Variants in EFR3A observed in about 807,000 individuals in gnomAD.
The protein encoded by EFR3A is EFR3 homolog A.
A neutral mutation model predicts 104.4 loss-of-function variants in EFR3A; 76 were observed. The observed-to-expected ratio is 0.73, with a 90% CI of 0.60 to 0.88. The LOEUF (loss-of-function observed/expected upper bound fraction) is 0.88. Among genes scored for constraint, EFR3A ranks in the 40% least tolerant of loss-of-function variants. The probability of loss-of-function intolerance (pLI) is 0.00; values close to 1 mark genes in which losing one functional copy is unlikely to be tolerated. For synonymous variants in EFR3A, 330 were observed against 330.0 expected (o/e 1.00, Z 0.00); for missense variants, 985 against 1,012.5 (o/e 0.97, Z 0.37).
chr8:131,999,265 C>G (rs969968407), intron 19 of EFR3A, among the ~76,000 whole-genome samples: 6 of 152,150 alleles, frequency 3.9e-5, no homozygotes, highest in Non-Finnish European at 7.4e-5. Context: ...TTATATCCAT[C>G]TACTCCTGCC....
At chr8:131,972,563 G>T (rs1369064611) in intron 10 of EFR3A, among the ~76,000 whole-genome samples, 2 of 151,398 alleles carry the variant, frequency 1.3e-5, no homozygotes, top group African/African-American at 4.9e-5. Flanking sequence ...TAATCTGACT[G>T]TATAAATACA....
intron 8 of EFR3A, among the ~76,000 whole-genome samples, chr8:131,966,296 G>A (rs569834258): frequency 5.3e-5 from 8 of 152,260 alleles, no homozygotes. Context: ...TATTTATACT[G>A]TGAAGAGCAT....
chr8:131,996,432 A>C lies in EFR3A; in HGVS notation c.2092A>C (p.Ser698Arg). 7.5e-6 allele frequency: 12 copies of C among 1,592,144 alleles called. No individual in the cohort carries two copies. Among genetic ancestry groups the C allele is most frequent in the Non-Finnish European group, 1.0e-5 (12 of 1,171,074 alleles). Residue 698 changes from serine to arginine, a missense_variant, in exon 19 of 23, where the codon AGC becomes CGC. Coordinates refer to ENST00000254624, the MANE Select transcript of EFR3A (RefSeq NM_015137.6). ...TGAAGATCGACTTTCTAGAAGAAAA[A>C]GCATTGTGGACACCGTATCCATTCA... ...TDEDRLSRRK[S>R]IVDTVSIQVD... is the part of the protein sequence containing the mutation.
intron 8 of EFR3A, among the ~76,000 whole-genome samples, chr8:131,960,276 A>AT (rs564955877): frequency 7.3e-5 from 11 of 150,796 alleles, no homozygotes; most frequent in South Asian, 6.3e-4. Context: ...TATAGTATAG[A>AT]TTTTTTTTTT....
rs147013731 is a variant in EFR3A at position 131,953,408 on chromosome 8, C to A, written c.489-410C>A. On this transcript the variant is annotated intron_variant, in intron 5 of 22. Coordinates refer to ENST00000254624, the MANE Select transcript of EFR3A (RefSeq NM_015137.6). ...GAGTTGAAGGGCTGTTAGGGAGGAACAGTGAGAGAAGTCTGAAGAAGCATG... is the reference window on the plus strand; with the variant it reads ...GAGTTGAAGGGCTGTTAGGGAGGAAAAGTGAGAGAAGTCTGAAGAAGCATG... Among the ~76,000 whole-genome samples, 58 of 152,092 alleles carry A rather than the reference C, an allele frequency of 3.8e-4. 1 individual carries two copies. In the East Asian group the frequency reaches 0.011, roughly 29 times the overall value.
At chr8:131,954,615 TTAA>T (rs1818883603) in intron 6 of EFR3A, among the ~76,000 whole-genome samples, 3 of 150,524 alleles carry the variant, frequency 2.0e-5, no homozygotes, top group African/African-American at 7.3e-5. Flanking sequence ...AGATAATAAG[TTAA>T]TAATAAATAA....
intron 8 of EFR3A, among the ~76,000 whole-genome samples, chr8:131,963,775 G>A (rs1819538457): frequency 6.6e-6 from 1 of 152,088 alleles, no homozygotes; most frequent in Non-Finnish European, 1.5e-5. Context: ...CAAAAAAAGA[G>A]AATTTTAGAC....
chr8:131,904,235 G>C lies in EFR3A; in HGVS notation c.-78G>C, dbSNP rs1342299198. ...GTTCCGGCCTCCGCGGCCCAGCAAC[G>C]GCCGTCATGGTGCCGTCGGCGCTCC... On this transcript the variant is annotated 5_prime_UTR_variant, in exon 1 of 23. Coordinates refer to ENST00000254624, the MANE Select transcript of EFR3A (RefSeq NM_015137.6). 6.3e-6 allele frequency: 8 copies of C among 1,268,594 alleles called. No individual in the cohort carries two copies. The highest frequency in any genetic ancestry group is 2.6e-5 in the South Asian group (1 of 37,804). The allele number at this position is 1,268,594 out of a possible 1,614,324, so 78.6% of individuals were successfully genotyped here.
rs1300300974 is a variant in EFR3A at position 131,987,622 on chromosome 8, C to T, written c.1985C>T (p.Thr662Ile). 1 of 1,597,754 alleles carries T rather than the reference C, an allele frequency of 6.3e-7. No homozygotes were observed. The highest frequency in any genetic ancestry group is 8.5e-7 in the Non-Finnish European group (1 of 1,171,096). Residue 662 changes from threonine (T) to isoleucine (I), a missense_variant, in exon 18 of 23, where the codon ACC becomes ATC. Coordinates refer to ENST00000254624, the MANE Select transcript of EFR3A (RefSeq NM_015137.6). ...EKHEKDLYFL[T>I]NKIAESLGGS... ...CATGAAAAAGATTTGTACTTTCTGA[C>T]CAACAAGATTGCAGAGTCGCTAGGT... is the stretch of plus-strand genomic sequence containing the variant.
At position 132,011,450 on chromosome 8, in the gene EFR3A, ATCT is replaced by A. The variant is rs1169318401; in HGVS notation, c.*561_*563del. The A allele has an allele frequency of 9.2e-6, 9 of 979,018 alleles. No homozygotes were observed. In the East Asian group the frequency reaches 9.1e-4, roughly 99 times the overall value. The allele number at this position is 979,018 out of a possible 1,614,324, so 60.6% of individuals were successfully genotyped here. On this transcript the variant is annotated 3_prime_UTR_variant, in exon 23 of 23. Coordinates refer to ENST00000254624, the MANE Select transcript of EFR3A (RefSeq NM_015137.6). Reference sequence around the variant, plus strand: ...TAATAATATGTGATAGGCATTCCTCATCTTCTTCACAATAATAGGACATCTGTT... The same window carrying A: ...TAATAATATGTGATAGGCATTCCTCATCTTCACAATAATAGGACATCTGTT...
intron 1 of EFR3A, among the ~76,000 whole-genome samples, chr8:131,939,415 C>G (rs1818059803): frequency 6.6e-6 from 1 of 152,134 alleles, no homozygotes; most frequent in African/African-American, 2.4e-5. Flanking sequence ...AAAGTGGGAA[C>G]TGGACATTGT....
chr8:131,920,488 AG>A (rs1586534800), intron 1 of EFR3A, among the ~76,000 whole-genome samples: 1 of 152,256 alleles, frequency 6.6e-6, no homozygotes, highest in East Asian at 1.9e-4. Flanking sequence ...AACCTATGAT[AG>A]GAAAAGAAGA....
At chr8:132,004,656 A>G (rs1821948891) in intron 22 of EFR3A, among the ~76,000 whole-genome samples, 1 of 152,222 alleles carries the variant, frequency 6.6e-6, no homozygotes, top group African/African-American at 2.4e-5. Context: ...CAAACATTTA[A>G]TAGTAAATGT....
rs919615574 is a variant in EFR3A at position 131,944,544 on chromosome 8, GGGGCATT to G, written c.88-199_88-193del. Among the ~76,000 whole-genome samples, 20 of 152,010 alleles carry G rather than the reference GGGGCATT, an allele frequency of 1.3e-4. 1 individual carries two copies. The highest frequency in any genetic ancestry group is 1.2e-3 in the Admixed American group (19 of 15,216). On this transcript the variant is annotated intron_variant, in intron 2 of 22. Transcript: ENST00000254624. Reference sequence around the variant, plus strand: ...TTCACTGTTTGTGCTTTGCATAAATGGGGCATTGTAAAAAATTTTTTGAAAGTTCTAT... The same window carrying G: ...TTCACTGTTTGTGCTTTGCATAAATGGTAAAAAATTTTTTGAAAGTTCTAT...
chr8:131,930,192 T>C (rs1180571535), intron 1 of EFR3A, among the ~76,000 whole-genome samples: 2 of 152,120 alleles, frequency 1.3e-5, no homozygotes, highest in Non-Finnish European at 1.5e-5. Flanking sequence ...GATATTGAGC[T>C]CTTACCATGT....
intron 6 of EFR3A, among the ~76,000 whole-genome samples, chr8:131,954,625 A>T: frequency 6.7e-6 from 1 of 150,202 alleles, no homozygotes; most frequent in Non-Finnish European, 1.5e-5. Context: ...TTAATAATAA[A>T]TAAATAGTGA....
chr8:131,986,352 T>C, intron 17 of EFR3A, 91 bp downstream of exon 17: 1 of 597,396 alleles, frequency 1.7e-6, no homozygotes, highest in Non-Finnish European at 2.9e-6. Context: ...GTTACAATAA[T>C]TCCTGGTGCT....
intron 8 of EFR3A, among the ~76,000 whole-genome samples, chr8:131,962,320 AC>A (rs1366465912): frequency 1.3e-5 from 2 of 152,114 alleles, no homozygotes; most frequent in African/African-American, 4.8e-5. Context: ...AACCCATCTC[AC>A]GTGCAGAGAC....
chr8:131,993,204 T>A (rs1380496039), intron 18 of EFR3A, among the ~76,000 whole-genome samples: 1 of 152,190 alleles, frequency 6.6e-6, no homozygotes. Context: ...TAGGTTATGC[T>A]ATAGTAGCAA....
Sources: gnomAD v4.1 joint callset for allele counts (sites outside exome capture counted in the v4.1 genomes callset) on GRCh38, gnomAD v4.1.1 for gene constraint, MANE v1.5 for transcripts, NCBI Gene and HGNC (gene_info 2026-07-23, HGNC 2026-07-21) for gene names.